The following ZCCHC24 variants were observed in gnomAD, a reference collection of about 807,000 sequenced individuals.
ZCCHC24 encodes the protein zinc finger CCHC-type containing 24.
A neutral mutation model predicts 26.2 loss-of-function variants in ZCCHC24; 10 were observed. The observed-to-expected ratio is 0.38, with a 90% CI of 0.24 to 0.65. The LOEUF (loss-of-function observed/expected upper bound fraction) is 0.65. ZCCHC24 is among the 30% of genes least tolerant of loss of function. The pLI, the probability that ZCCHC24 is intolerant of heterozygous loss-of-function variation, is 0.54. For synonymous variants in ZCCHC24, 144 were observed against 147.1 expected (o/e 0.98, Z 0.15); for missense variants, 243 against 329.1 (o/e 0.74, Z 2.03).
At chr10:79,440,602 A>G (rs182169664) in intron 1 of ZCCHC24, among the ~76,000 whole-genome samples, 1 of 152,280 alleles carries the variant, frequency 6.6e-6, no homozygotes, top group East Asian at 1.9e-4. Flanking sequence ...ACACAGAAGA[A>G]TTCTAGATCT....
intron 2 of ZCCHC24, among the ~76,000 whole-genome samples, chr10:79,425,475 T>C (rs1480827531): frequency 3.3e-5 from 5 of 152,224 alleles, no homozygotes; most frequent in African/African-American, 1.2e-4. Flanking sequence ...TCTATCTTTT[T>C]AAAGAACCCT....
chr10:79,386,571 G>A (rs1417799619), intron 3 of ZCCHC24, 113 bp from the exon 4 acceptor site: 7 of 758,162 alleles, frequency 9.2e-6, no homozygotes, highest in Non-Finnish European at 1.5e-5. Flanking sequence ...GGTACACAGG[G>A]AGGGGACCAG....
At chr10:79,393,182 A>T (rs142758234) in intron 3 of ZCCHC24, among the ~76,000 whole-genome samples, 49 of 152,358 alleles carry the variant, frequency 3.2e-4, no homozygotes, top group Non-Finnish European at 5.9e-4. Context: ...TAGGTTGATG[A>T]CACCCACTTA....
Position 79,383,238 on chromosome 10 carries a change from A to G in ZCCHC24, c.*3107T>C, listed in dbSNP as rs1470071882. The G allele has an allele frequency of 6.5e-6, 1 of 152,810 alleles. No individual in the cohort carries two copies. The highest frequency in any genetic ancestry group is 2.4e-5 in the African/African-American group (1 of 41,470). 9.5% of individuals were successfully genotyped at this position (152,810 alleles called of 1,614,324 possible). A position where few individuals can be genotyped will look rare whatever the true frequency, so the allele number is the denominator to read the frequency against. On this transcript the variant is annotated 3_prime_UTR_variant, in exon 4 of 4. Transcript: ENST00000372336. The stretch of plus-strand genomic sequence containing the variant: ...ACTTGAATAATATGCTGTCTACTTA[A>G]TACTGATATTTTCATCCAGGGAAAA...
intron 2 of ZCCHC24, among the ~76,000 whole-genome samples, chr10:79,423,848 T>C (rs1392964177): frequency 6.7e-6 from 1 of 149,578 alleles, no homozygotes; most frequent in Non-Finnish European, 1.5e-5. Flanking sequence ...TAAAACTCCG[T>C]CTCTACTAAA....
chr10:79,431,457 A>G (rs1471638147), intron 2 of ZCCHC24, among the ~76,000 whole-genome samples: 3 of 152,172 alleles, frequency 2.0e-5, no homozygotes, highest in Admixed American at 2.0e-4. Flanking sequence ...ATGGGGGCAC[A>G]CAGATCACCT....
At chr10:79,436,306 C>T (rs1589679831) in intron 1 of ZCCHC24, among the ~76,000 whole-genome samples, 3 of 152,212 alleles carry the variant, frequency 2.0e-5, no homozygotes, top group Non-Finnish European at 2.9e-5. Flanking sequence ...GGCTCCAGAT[C>T]GGGCTCTAAC....
rs965846118 is a variant in ZCCHC24 at position 79,385,437 on chromosome 10, A to G, written c.*908T>C. 7 of 152,252 alleles carry G rather than the reference A, an allele frequency of 4.6e-5. No homozygotes were observed. The highest frequency in any genetic ancestry group is 1.7e-4 in the African/African-American group (7 of 41,464). 9.4% of individuals were successfully genotyped at this position (152,252 alleles called of 1,614,324 possible). ...AGATGCGAAGTCCTTGCCCAAGGTG[A>G]CACAATGCGTCGGCAGCAGGGCAAA... On this transcript the variant is annotated 3_prime_UTR_variant, in exon 4 of 4. Coordinates refer to ENST00000372336, the MANE Select transcript of ZCCHC24 (RefSeq NM_153367.4). This position sits in a 1 kb window ranked among gnomAD's most constrained non-coding sequence, Gnocchi z 4.3.
intron 1 of ZCCHC24, among the ~76,000 whole-genome samples, chr10:79,443,025 CA>C (rs1857310280): frequency 6.6e-6 from 1 of 152,176 alleles, no homozygotes; most frequent in Non-Finnish European, 1.5e-5. Flanking sequence ...CTTGTTTGAA[CA>C]GGTCTCAAAT....
At chr10:79,442,733 C>A (rs1857306939) in intron 1 of ZCCHC24, among the ~76,000 whole-genome samples, 1 of 152,212 alleles carries the variant, frequency 6.6e-6, no homozygotes, top group Admixed American at 6.5e-5. Context: ...CCCTTGGTGG[C>A]ATTGGGGTGG....
In ZCCHC24 at chr10:79,394,261, G is replaced by C; in HGVS notation, c.612+15C>G. 1 of 1,611,130 alleles carries C rather than the reference G, an allele frequency of 6.2e-7. No homozygotes were observed. The highest frequency in any genetic ancestry group is 8.5e-7 in the Non-Finnish European group (1 of 1,178,162). ...CCGCGGTCCTTCTGAGAAGGCCCCA[G>C]CCTGCCCGGCTCACCTGCTTGTGTG... is the stretch of plus-strand genomic sequence containing the variant. On this transcript the variant is annotated intron_variant, in intron 3 of 3. Transcript: ENST00000372336.
chr10:79,401,453 C>T (rs11593110), intron 2 of ZCCHC24, among the ~76,000 whole-genome samples: 40,179 of 152,190 alleles, frequency 0.26, 5,623 homozygotes, highest in Middle Eastern at 0.4. Context: ...GCCCAAGCTA[C>T]GCTGCCAGGA....
Position 79,386,184 on chromosome 10 carries a change from AAC to A in ZCCHC24, c.*159_*160del. On this transcript the variant is annotated 3_prime_UTR_variant, in exon 4 of 4. Coordinates refer to ENST00000372336, the MANE Select transcript of ZCCHC24 (RefSeq NM_153367.4). ...AGCAATGTCAGTAACACTGTTTGTC[AAC>A]ACACACAAGACAAGGACGCTAAGAG... 1.6e-6 allele frequency: 1 copy of A among 644,352 alleles called. No homozygotes were observed. Among genetic ancestry groups the A allele is most frequent in the Non-Finnish European group, 2.8e-6 (1 of 353,180 alleles). The allele number at this position is 644,352 out of a possible 1,614,324, so 39.9% of individuals were successfully genotyped here.
chr10:79,442,863 T>C (rs1304745513), intron 1 of ZCCHC24, among the ~76,000 whole-genome samples: 1 of 151,876 alleles, frequency 6.6e-6, no homozygotes, highest in Non-Finnish European at 1.5e-5. Context: ...TTTGAGAGGG[T>C]TTAGGAGGCA....
At chr10:79,400,381 G>A (rs1426790445) in intron 2 of ZCCHC24, among the ~76,000 whole-genome samples, 1 of 152,198 alleles carries the variant, frequency 6.6e-6, no homozygotes, top group African/African-American at 2.4e-5. Flanking sequence ...TTGGATGAAT[G>A]ACAATAAAGC....
chr10:79,434,449 A>G (rs574412508), intron 1 of ZCCHC24, among the ~76,000 whole-genome samples: 1 of 152,294 alleles, frequency 6.6e-6, no homozygotes, highest in South Asian at 2.1e-4. Context: ...CTTCCACGGC[A>G]TGGGGGAGAG....
intron 2 of ZCCHC24, among the ~76,000 whole-genome samples, chr10:79,417,386 G>A (rs1856878715): frequency 6.6e-6 from 1 of 152,186 alleles, no homozygotes; most frequent in South Asian, 2.1e-4. Context: ...GGAACTTGGA[G>A]GAAGCCAGGC....
chr10:79,410,557 G>T (rs1856776357), intron 2 of ZCCHC24, among the ~76,000 whole-genome samples: 1 of 152,220 alleles, frequency 6.6e-6, no homozygotes, highest in African/African-American at 2.4e-5. Flanking sequence ...TGTGCAAAGG[G>T]CTAGACCACG....
intron 2 of ZCCHC24, among the ~76,000 whole-genome samples, chr10:79,430,095 T>C (rs890701813): frequency 3.9e-5 from 6 of 152,216 alleles, no homozygotes; most frequent in African/African-American, 1.4e-4. Context: ...AAAAAAATGC[T>C]AGCCAACATT....
Sources: allele counts gnomAD v4.1 joint callset (sites outside exome capture counted in the v4.1 genomes callset), GRCh38; gene constraint gnomAD v4.1.1; non-coding constraint Gnocchi (gnomAD v3.1); transcripts MANE v1.5; gene names NCBI Gene and HGNC (gene_info 2026-07-23, HGNC 2026-07-21).